Variants in CLIP1 observed in about 807,000 individuals in gnomAD.
The protein encoded by CLIP1 is CAP-Gly domain-containing linker protein 1.
Under a neutral mutation model 161.6 loss-of-function variants are expected in CLIP1, and 66 were observed. The ratio of observed to expected loss-of-function variants is 0.41; its 90% CI spans 0.33 to 0.50. The LOEUF (loss-of-function observed/expected upper bound fraction) is 0.50. CLIP1 is among the 20% of genes least tolerant of loss of function. The pLI, the probability that CLIP1 is intolerant of heterozygous loss-of-function variation, is 0.27. For missense variants in CLIP1, 1,376 were observed against 1,702.0 expected (o/e 0.81, Z 3.37); for synonymous variants, 598 against 626.2 (o/e 0.96, Z 0.67).
Position 122,334,828 on chromosome 12 carries a change from A to C in CLIP1, c.2569-123T>G, listed in dbSNP as rs1033001220. ...TTGCTGGTCTTGTTTTATTAAAACT[A>C]ATACACCTCAAACATATGACACCAA... On this transcript the variant is annotated intron_variant, in intron 12 of 25. Coordinates refer to ENST00000620786, the MANE Select transcript of CLIP1 (RefSeq NM_001247997.2). 1.0e-5 allele frequency: 7 copies of C among 668,932 alleles called. No homozygotes were observed. In the African/African-American group the frequency reaches 1.3e-4, roughly 12 times the overall value. The allele number at this position is 668,932 out of a possible 1,614,324, so 41.4% of individuals were successfully genotyped here.
rs1450200932 is a variant in CLIP1, at chr12:122,365,290, T to C, written c.658-1183A>G. 2.0e-5 allele frequency: 15 copies of C among 762,660 alleles called. 1 individual carries two copies. Among genetic ancestry groups the C allele is most frequent in the South Asian group, 1.7e-4 (12 of 72,572 alleles). 47.2% of individuals were successfully genotyped at this position (762,660 alleles called of 1,614,324 possible). ...GGTGATATTGTAGACATCAAAGGAA[T>C]GCGTACTGTTCAAAAAGGAATGCCC... On this transcript the variant is annotated intron_variant, in intron 3 of 25. Transcript: ENST00000620786.
chr12:122,287,983 A>C (rs1955925377), intron 21 of CLIP1, among the ~76,000 whole-genome samples: 2 of 152,130 alleles, frequency 1.3e-5, no homozygotes, highest in South Asian at 4.1e-4. Flanking sequence ...AACATGGCTT[A>C]TGAACTATTT....
At chr12:122,364,342 C>G (rs1270524387) in intron 3 of CLIP1, among the ~76,000 whole-genome samples, 1 of 152,032 alleles carries the variant, frequency 6.6e-6, no homozygotes, top group Non-Finnish European at 1.5e-5. Flanking sequence ...AATGAGACAG[C>G]CAATCTAATA....
intron 1 of CLIP1, among the ~76,000 whole-genome samples, chr12:122,393,287 A>G (rs761260882): frequency 2.0e-5 from 3 of 151,798 alleles, no homozygotes; most frequent in Non-Finnish European, 2.9e-5. Flanking sequence ...CAACCTCCCA[A>G]GTAGTTGGGA....
intron 21 of CLIP1, among the ~76,000 whole-genome samples, chr12:122,285,638 C>CTTTT (rs35808337): frequency 7.3e-6 from 1 of 136,106 alleles, no homozygotes; most frequent in Non-Finnish European, 1.6e-5. Flanking sequence ...CGCACCCGAC[C>CTTTT]TTTTTTTTTT....
At chr12:122,343,110 T>C (rs980112218) in intron 10 of CLIP1, 2 of 151,534 alleles carry the variant, frequency 1.3e-5, no homozygotes, top group Admixed American at 6.6e-5. Flanking sequence ...AAAGCCTCAA[T>C]TGAAGAATGA....
chr12:122,362,447 C>T (rs1395112533), intron 4 of CLIP1, among the ~76,000 whole-genome samples: 4 of 150,004 alleles, frequency 2.7e-5, no homozygotes, highest in Non-Finnish European at 5.9e-5. Flanking sequence ...TCGAGACCAT[C>T]CTGTCCAACA....
intron 3 of CLIP1, among the ~76,000 whole-genome samples, chr12:122,374,679 T>C (rs1477967195): frequency 6.6e-6 from 1 of 152,030 alleles, no homozygotes; most frequent in Non-Finnish European, 1.5e-5. Flanking sequence ...GGAGAACTGC[T>C]TGAACCCAGG....
chr12:122,349,404 C>T (rs1224415952), intron 9 of CLIP1, among the ~76,000 whole-genome samples: 1 of 152,222 alleles, frequency 6.6e-6, no homozygotes, highest in African/African-American at 2.4e-5. Flanking sequence ...TGGGACTCTA[C>T]AGTGCCTCAG....
chr12:122,372,684 G>A (rs1369861452), intron 3 of CLIP1, among the ~76,000 whole-genome samples: 3 of 151,972 alleles, frequency 2.0e-5, no homozygotes, highest in Admixed American at 6.6e-5. Context: ...AAAATCCATT[G>A]TGTTAGAAAC....
intron 1 of CLIP1, among the ~76,000 whole-genome samples, chr12:122,398,879 C>T (rs1446030502): frequency 7.2e-6 from 1 of 139,454 alleles, no homozygotes; most frequent in Non-Finnish European, 1.5e-5. Flanking sequence ...GAAAAAAAGA[C>T]ACTTATTATA....
chr12:122,336,747 GC>G lies in CLIP1; in HGVS notation c.2452del (p.Ala818LeufsTer13). ...EIEKNAESSK[A>X]SSITRELQGR... ...CTGGAGCTCTCTGGTAATGCTACTA[GC>G]CTAACACACAGTGTTACATGGTATA... On this transcript the variant is annotated frameshift_variant and splice_region_variant, in exon 12 of 26. Transcript: ENST00000620786. LOFTEE classifies it high-confidence loss of function. 1 of 1,498,094 alleles carries G rather than the reference GC, an allele frequency of 6.7e-7. No homozygotes were observed. Among genetic ancestry groups the G allele is most frequent in the Non-Finnish European group, 9.3e-7 (1 of 1,079,930 alleles). 92.8% of individuals were successfully genotyped at this position (1,498,094 alleles called of 1,614,324 possible). A position where few individuals can be genotyped will look rare whatever the true frequency, so the allele number is the denominator to read the frequency against.
intron 20 of CLIP1, among the ~76,000 whole-genome samples, chr12:122,301,836 TATC>T (rs1950692643): frequency 6.6e-6 from 1 of 152,208 alleles, no homozygotes; most frequent in South Asian, 2.1e-4. Context: ...GGCTCAAATT[TATC>T]ATCAAGTGGC....
At chr12:122,273,911 T>C (rs1331048497) in intron 25 of CLIP1, 127 bp downstream of exon 25, 2 of 703,156 alleles carry the variant, frequency 2.8e-6, no homozygotes, top group East Asian at 2.9e-5. Context: ...TTTGTATTTT[T>C]AGTAGAGACG....
chr12:122,380,962 G>A (rs918015969), intron 1 of CLIP1, among the ~76,000 whole-genome samples: 6 of 152,162 alleles, frequency 3.9e-5, no homozygotes, highest in African/African-American at 1.4e-4. Flanking sequence ...CCAGGAGTTT[G>A]AGGCTGCAGT....
intron 3 of CLIP1, among the ~76,000 whole-genome samples, chr12:122,376,951 G>A (rs1954765677): frequency 6.6e-6 from 1 of 151,642 alleles, no homozygotes; most frequent in Non-Finnish European, 1.5e-5. Flanking sequence ...CTATAAAAGA[G>A]TGGTCATCCC....
chr12:122,389,273 AT>A (rs746276253), intron 1 of CLIP1, among the ~76,000 whole-genome samples: 28 of 152,240 alleles, frequency 1.8e-4, no homozygotes, highest in Non-Finnish European at 3.4e-4. Flanking sequence ...AAGAAACTGT[AT>A]TTTAGTCACC....
chr12:122,289,927 G>C (rs1956031485), intron 20 of CLIP1, among the ~76,000 whole-genome samples: 2 of 151,770 alleles, frequency 1.3e-5, no homozygotes, highest in South Asian at 2.1e-4. Flanking sequence ...TCCTGCTTCA[G>C]TCTCCCAAAT....
At chr12:122,376,342 C>T (rs923193723) in intron 3 of CLIP1, among the ~76,000 whole-genome samples, 33 of 151,942 alleles carry the variant, frequency 2.2e-4, no homozygotes, top group African/African-American at 6.3e-4. Context: ...CGTAAGCCAC[C>T]GTACCTAGCC....
Sources: allele counts gnomAD v4.1 joint callset (sites outside exome capture counted in the v4.1 genomes callset), GRCh38; gene constraint gnomAD v4.1.1; transcripts MANE v1.5; gene names NCBI Gene and HGNC (gene_info 2026-07-23, HGNC 2026-07-21).